WDFY4: variants seen among roughly 807,000 people sequenced by gnomAD.
The protein encoded by WDFY4 is WDFY family member 4.
In WDFY4, 169 loss-of-function variants were observed where a neutral mutation model predicts 351.9. The observed-to-expected ratio is 0.48, with a 90% CI of 0.42 to 0.55. The LOEUF is 0.55. Among genes scored for constraint, WDFY4 ranks in the 20% least tolerant of loss-of-function variants. The pLI, the probability that WDFY4 is intolerant of heterozygous loss-of-function variation, is 0.00. For synonymous variants in WDFY4, 1,622 were observed against 1,574.6 expected (o/e 1.03, Z -0.71); for missense variants, 3,803 against 3,935.6 (o/e 0.97, Z 0.90).
intron 20 of WDFY4, among the ~76,000 whole-genome samples, chr10:48,787,567 G>A (rs2066444607): frequency 1.3e-5 from 2 of 152,222 alleles, no homozygotes; most frequent in African/African-American, 4.8e-5. Flanking sequence ...ATTCAAACTG[G>A]GGTGTTTGCC....
intron 47 of WDFY4, among the ~76,000 whole-genome samples, chr10:48,908,892 C>A (rs1564470867): frequency 6.6e-6 from 1 of 152,200 alleles, no homozygotes; most frequent in Non-Finnish European, 1.5e-5. Flanking sequence ...TCTGTGCTAC[C>A]ACTTTATAGT....
rs898411707 is a variant in WDFY4, at chr10:48,743,477, G to A, written c.2388G>A (p.Val796=). The A allele has an allele frequency of 2.6e-6, 4 of 1,546,858 alleles. No homozygotes were observed. In the African/African-American group the frequency reaches 5.5e-5, roughly 21 times the overall value. The change falls in exon 12 of 62, where the codon GTG becomes GTA. Residue 796 remains valine, a synonymous_variant. Coordinates refer to ENST00000325239, the MANE Select transcript of WDFY4 (RefSeq NM_001394531.1). ...ESLRTKQGPV[V]DVQKGETGSD... is the part of the protein sequence containing the mutation. The stretch of plus-strand genomic sequence containing the variant: ...TGAGGACCAAGCAGGGGCCGGTTGT[G>A]GATGTTCAGAAGGGAGAAACTGGCA...
intron 53 of WDFY4, 145 bp downstream of exon 53, chr10:48,959,958 T>G: frequency 1.4e-6 from 1 of 740,522 alleles, no homozygotes; most frequent in Non-Finnish European, 2.2e-6. Flanking sequence ...ATGGGGTCTA[T>G]ACCTTAGGTT....
chr10:48,810,620 A>G lies in WDFY4; in HGVS notation c.4929A>G (p.Ala1643=). ...TGCATGCCAGCACCACTGTGCTGGCATTGAAGCTGCTGCTGTACTTTCTGG... is the reference window on the plus strand; with the variant it reads ...TGCATGCCAGCACCACTGTGCTGGCGTTGAAGCTGCTGCTGTACTTTCTGG... ...GHLHASTTVL[A]LKLLLYFLAS... is the part of the protein sequence containing the mutation. Residue 1643 remains alanine, a synonymous_variant, in exon 29 of 62, where the codon GCA becomes GCG. Transcript: ENST00000325239. The G allele has an allele frequency of 6.4e-7, 1 of 1,551,492 alleles. No individual in the cohort carries two copies. Among genetic ancestry groups the G allele is most frequent in the Non-Finnish European group, 8.7e-7 (1 of 1,146,992 alleles).
chr10:48,765,374 T>A (rs2065635847), intron 13 of WDFY4, among the ~76,000 whole-genome samples: 2 of 152,212 alleles, frequency 1.3e-5, no homozygotes, highest in African/African-American at 4.8e-5. Flanking sequence ...ACTCTTTGAT[T>A]CTTAACTTCC....
chr10:48,832,824 G>T, intron 39 of WDFY4, 115 bp downstream of exon 39: 2 of 1,335,046 alleles, frequency 1.5e-6, no homozygotes, highest in Non-Finnish European at 2.0e-6. Context: ...ACGTCCTTGT[G>T]AGCATTTGAG....
At chr10:48,787,804 CTCCTCTTCTTCTTCTTCTTCTTCT>C (rs1308261431) in intron 20 of WDFY4, among the ~76,000 whole-genome samples, 1 of 70,764 alleles carries the variant, frequency 1.4e-5, no homozygotes, top group Non-Finnish European at 2.6e-5. Context: ...CCTCCTCCTC[CTCCTCTTCTTCTTCTTCTTCTTCT>C]TCTTCTTCTT....
intron 39 of WDFY4, among the ~76,000 whole-genome samples, chr10:48,849,033 C>A (rs950963631): frequency 9.9e-5 from 15 of 152,150 alleles, no homozygotes; most frequent in Admixed American, 3.9e-4. Context: ...TCACTCTGCC[C>A]TCCATGCATG....
At chr10:48,801,562 C>T in intron 24 of WDFY4, 1 of 455,300 alleles carries the variant, frequency 2.2e-6, no homozygotes, top group Non-Finnish European at 4.4e-6. Flanking sequence ...CTGCCTTCAT[C>T]AATACCAGCT....
At chr10:48,875,009 G>T in intron 41 of WDFY4, 80 bp from the exon 42 acceptor site, 1 of 849,446 alleles carries the variant, frequency 1.2e-6, no homozygotes, top group South Asian at 2.7e-5. Flanking sequence ...GCGTGTTTGT[G>T]AATCTGTGGA....
At chr10:48,697,053 A>C (rs553988476) in intron 1 of WDFY4, among the ~76,000 whole-genome samples, 1 of 152,260 alleles carries the variant, frequency 6.6e-6, no homozygotes, top group South Asian at 2.1e-4. Context: ...CAGAGGGACT[A>C]GGTTCAGGGT....
chr10:48,821,083 A>G lies in WDFY4; in HGVS notation c.5731A>G (p.Ser1911Gly). ...CCAGGCTTCTCCAGACCACGCCACC[A>G]GCCAACAGAAGCGAGACTTCCAGTC... ...LLEASPDHAT[S>G]QQKRDFQSEV... Residue 1911 changes from serine to glycine, a missense_variant, in exon 34 of 62, where the codon AGC (serine) becomes GGC (glycine). Transcript: ENST00000325239. The G allele has an allele frequency of 1.3e-6, 2 of 1,551,684 alleles. No homozygotes were observed. Among genetic ancestry groups the G allele is most frequent in the Non-Finnish European group, 1.7e-6 (2 of 1,146,964 alleles).
At chr10:48,939,354 C>A (rs1840622581) in intron 47 of WDFY4, among the ~76,000 whole-genome samples, 1 of 152,214 alleles carries the variant, frequency 6.6e-6, no homozygotes, top group African/African-American at 2.4e-5. Context: ...CTCTCCCACA[C>A]CCCTGTGTGA....
Position 48,727,556 on chromosome 10 carries a change from C to G in WDFY4, c.868C>G (p.Leu290Val), listed in dbSNP as rs1404494251. The change falls in exon 7 of 62, where the codon CTG becomes GTG. Residue 290 changes from leucine to valine, a missense_variant. Coordinates refer to ENST00000325239, the MANE Select transcript of WDFY4 (RefSeq NM_001394531.1). ...PAPEVSEAVS[L>V]ILGFVKDSYP... is the part of the protein sequence containing the mutation. Reference sequence around the variant, plus strand: ...CCCTGAAGTGAGCGAGGCTGTAAGCCTGATCTTGGGATTCGTGAAGGACTC... The same window carrying G: ...CCCTGAAGTGAGCGAGGCTGTAAGCGTGATCTTGGGATTCGTGAAGGACTC... 5.2e-5 allele frequency: 80 copies of G among 1,551,912 alleles called. 1 individual carries two copies. Among genetic ancestry groups the G allele is most frequent in the Non-Finnish European group, 6.8e-5 (78 of 1,147,036 alleles).
chr10:48,759,845 G>A (rs577860822), intron 12 of WDFY4, among the ~76,000 whole-genome samples: 9 of 152,238 alleles, frequency 5.9e-5, no homozygotes, highest in East Asian at 1.9e-4. Context: ...TTTCCTTCTC[G>A]GCTACCATTT....
rs566907110 is a variant in WDFY4, at chr10:48,890,621, G to T, written c.7210G>T (p.Val2404Leu). 3 of 1,551,680 alleles carry T rather than the reference G, an allele frequency of 1.9e-6. 1 individual carries two copies. In the South Asian group the frequency reaches 3.6e-5, roughly 18 times the overall value. ...FSLVIVQGHL[V>L]SEGVLLFGHQ... Reference sequence around the variant, plus strand: ...CCTGGTGATTGTGCAGGGCCACCTGGTGTCAGAAGGGGTCCTGCTTTTTGG... The same window carrying T: ...CCTGGTGATTGTGCAGGGCCACCTGTTGTCAGAAGGGGTCCTGCTTTTTGG... The change falls in exon 44 of 62, where the codon GTG becomes TTG. Residue 2404 changes from valine (V) to leucine (L), a missense_variant. Val to Leu is a conservative substitution (Grantham distance 32, BLOSUM62 1). This residue lies in a region of WDFY4 where 3,054 missense variants were observed against 3,148.6 expected (regional missense o/e 0.97). Transcript: ENST00000325239.
At chr10:48,771,791 C>T (rs2065874008) in intron 13 of WDFY4, among the ~76,000 whole-genome samples, 1 of 152,178 alleles carries the variant, frequency 6.6e-6, no homozygotes, top group African/African-American at 2.4e-5. Context: ...CTTTAAACGC[C>T]TAGAGCTTTA....
At position 48,788,526 on chromosome 10, in the gene WDFY4, A is replaced by G. The variant is rs1008265118; in HGVS notation, c.3809-4A>G. 1.5e-5 allele frequency: 24 copies of G among 1,551,390 alleles called. No homozygotes were observed. Among genetic ancestry groups the G allele is most frequent in the Non-Finnish European group, 1.9e-5 (22 of 1,146,850 alleles). The stretch of plus-strand genomic sequence containing the variant: ...TAGAAATGTTTAAAGATGTGTTGTT[A>G]CAGGGGAGGACCTGGACAGTGAAGC... On this transcript the variant is annotated splice_polypyrimidine_tract_variant and splice_region_variant and intron_variant, in intron 20 of 61. Transcript: ENST00000325239.
At chr10:48,946,296 G>A (rs1359458431) in intron 50 of WDFY4, 139 bp downstream of exon 50, 3 of 699,148 alleles carry the variant, frequency 4.3e-6, no homozygotes, top group Non-Finnish European at 7.1e-6. Context: ...GTGGTAGGAA[G>A]TGCCTGGGGA....
Sources: allele counts gnomAD v4.1 joint callset (sites outside exome capture counted in the v4.1 genomes callset), GRCh38; gene constraint gnomAD v4.1.1; regional missense constraint gnomAD v4.1.1; transcripts MANE v1.5; gene names NCBI Gene and HGNC (gene_info 2026-07-23, HGNC 2026-07-21).